The following ASIC2 variants were observed in gnomAD, a reference collection of about 807,000 sequenced individuals.
ASIC2 encodes the protein acid-sensing ion channel 2.
Under a neutral mutation model 57.3 loss-of-function variants are expected in ASIC2, and 25 were observed. The observed-to-expected ratio is 0.44, with a 90% CI of 0.32 to 0.61. The LOEUF is 0.61. ASIC2 is among the 20% of genes least tolerant of loss of function. The pLI, the probability that ASIC2 is intolerant of heterozygous loss-of-function variation, is 0.06. For missense variants in ASIC2, 641 were observed against 738.1 expected (o/e 0.87, Z 1.52); for synonymous variants, 319 against 307.5 (o/e 1.04, Z -0.39).
At chr17:33,477,881 G>A (rs919643116) in intron 1 of ASIC2, among the ~76,000 whole-genome samples, 3 of 152,238 alleles carry the variant, frequency 2.0e-5, no homozygotes, top group African/African-American at 7.2e-5. Flanking sequence ...GCTGGAGGCA[G>A]CTCAGGGCAT....
chr17:33,891,705 C>T (rs1457378593), intron 1 of ASIC2, among the ~76,000 whole-genome samples: 2 of 152,190 alleles, frequency 1.3e-5, no homozygotes, highest in Non-Finnish European at 2.9e-5. Context: ...GATGTTAAGG[C>T]ATATGATGTG....
intron 1 of ASIC2, among the ~76,000 whole-genome samples, chr17:33,275,577 G>C (rs1392594327): frequency 6.6e-6 from 1 of 152,190 alleles, no homozygotes; most frequent in Admixed American, 6.5e-5. Flanking sequence ...CTAGGTTTGT[G>C]ACCTTGAGCA....
At position 33,722,622 on chromosome 17, in the gene ASIC2, T is replaced by A. The variant is rs531885949; in HGVS notation, c.555+433356A>T. Among the ~76,000 whole-genome samples the A allele has an allele frequency of 2.1e-5, 3 of 140,214 alleles. No homozygotes were observed. In the South Asian group the frequency reaches 6.7e-4, roughly 31 times the overall value. 92.0% of individuals were successfully genotyped at this position (140,214 alleles called of 152,430 possible). On this transcript the variant is annotated intron_variant, in intron 1 of 9. Coordinates refer to the ASIC2 transcript ENST00000359872. ...TACAAAAAAGGAAAAAAAAAAAAAA[T>A]TAGCCAGGCCTGGTGGCACATACAT...
chr17:33,493,698 G>A (rs1351854217), intron 1 of ASIC2, among the ~76,000 whole-genome samples: 1 of 152,074 alleles, frequency 6.6e-6, no homozygotes, highest in African/African-American at 2.4e-5. Context: ...GAATCGGTCT[G>A]CCCTTGCCTT....
chr17:33,729,968 A>G (rs1469132076), intron 1 of ASIC2, among the ~76,000 whole-genome samples: 1 of 152,214 alleles, frequency 6.6e-6, no homozygotes, highest in Non-Finnish European at 1.5e-5. Flanking sequence ...AGAGTCCATG[A>G]TCTTCCCACA....
At chr17:33,388,489 G>C (rs986959908) in intron 1 of ASIC2, among the ~76,000 whole-genome samples, 3 of 152,190 alleles carry the variant, frequency 2.0e-5, no homozygotes, top group Admixed American at 2.0e-4. Flanking sequence ...GGAAGTTCCA[G>C]CCATCCCAGA....
At position 33,069,998 on chromosome 17, in the gene ASIC2, T is replaced by C. The variant is rs144552893; in HGVS notation, c.987+18865A>G. ...AAAATTGGACATTTTTGTGATTTCA[T>C]TTATACCCTTTGTTGGATTATAAGC... On this transcript the variant is annotated intron_variant, in intron 3 of 9. Transcript: ENST00000225823. Among the ~76,000 whole-genome samples, 13 of 152,318 alleles carry C rather than the reference T, an allele frequency of 8.5e-5. No homozygotes were observed. The East Asian group carries it at 2.1e-3, about 25-fold the overall frequency.
At chr17:33,328,740 A>T (rs1907181718) in intron 1 of ASIC2, among the ~76,000 whole-genome samples, 1 of 152,220 alleles carries the variant, frequency 6.6e-6, no homozygotes, top group African/African-American at 2.4e-5. Context: ...GCTAAAAAAT[A>T]AAACCCTCGT....
chr17:34,000,594 T>C (rs1467420687), intron 1 of ASIC2, among the ~76,000 whole-genome samples: 1 of 152,176 alleles, frequency 6.6e-6, no homozygotes, highest in Non-Finnish European at 1.5e-5. Flanking sequence ...TTCTTTGGGC[T>C]TCATAGGTAT....
At chr17:33,755,001 G>A (rs974120917) in intron 1 of ASIC2, among the ~76,000 whole-genome samples, 2 of 135,654 alleles carry the variant, frequency 1.5e-5, no homozygotes, top group Non-Finnish European at 1.7e-5. Context: ...TATAGACAGT[G>A]AGAATGTTGC....
rs1357864504 is a variant in ASIC2, at chr17:34,038,081, A to T, written c.555+117897T>A. The T allele has an allele frequency of 3.1e-5, 50 of 1,613,226 alleles. No individual in the cohort carries two copies. In the South Asian group the frequency reaches 5.1e-4, roughly 16 times the overall value. Reference sequence around the variant, plus strand: ...CACTGAATTGTAGCTATCATCATCCATGATCTTCGAAAGACCAAAATCTGT... The same window carrying T: ...CACTGAATTGTAGCTATCATCATCCTTGATCTTCGAAAGACCAAAATCTGT... On this transcript the variant is annotated intron_variant, in intron 1 of 9. Transcript: ENST00000359872.
chr17:33,098,380 C>A (rs977695903), intron 2 of ASIC2, among the ~76,000 whole-genome samples: 4 of 152,148 alleles, frequency 2.6e-5, no homozygotes, highest in African/African-American at 7.2e-5. Context: ...CACTGTAGGG[C>A]AGCATCTCTA....
At chr17:33,272,145 TA>T (rs1904519050) in intron 1 of ASIC2, among the ~76,000 whole-genome samples, 1 of 152,260 alleles carries the variant, frequency 6.6e-6, no homozygotes, top group Non-Finnish European at 1.5e-5. Flanking sequence ...GCTTCCTGAC[TA>T]CATGAGCTAA....
chr17:33,628,937 T>C (rs1275582355), intron 1 of ASIC2, among the ~76,000 whole-genome samples: 1 of 152,196 alleles, frequency 6.6e-6, no homozygotes, highest in African/African-American at 2.4e-5. Flanking sequence ...CTGTTGCACG[T>C]GGGAGCCCTC....
At chr17:33,954,627 C>T (rs1904677434) in intron 1 of ASIC2, among the ~76,000 whole-genome samples, 1 of 152,180 alleles carries the variant, frequency 6.6e-6, no homozygotes, top group Admixed American at 6.5e-5. Context: ...AGAGCTTCAC[C>T]AGTGCTGACT....
chr17:33,106,763 C>A (rs939733738), intron 2 of ASIC2, among the ~76,000 whole-genome samples: 2 of 151,738 alleles, frequency 1.3e-5, no homozygotes, highest in Non-Finnish European at 2.9e-5. Context: ...TTTTTTTTTC[C>A]CCTAAACAGG....
chr17:34,039,532 T>A, intron 1 of ASIC2: 1 of 1,613,920 alleles, frequency 6.2e-7, no homozygotes, highest in Non-Finnish European at 8.5e-7. Flanking sequence ...GGATAAGGAA[T>A]GTTGCAGTGA....
At chr17:34,118,942 T>A (rs1024539609) in intron 1 of ASIC2, 1 of 152,272 alleles carries the variant, frequency 6.6e-6, no homozygotes, top group Non-Finnish European at 1.5e-5. Flanking sequence ...TCTTTCATGA[T>A]CTTTCATTGT....
chr17:33,265,301 T>C (rs932087627), intron 1 of ASIC2, among the ~76,000 whole-genome samples: 1 of 152,200 alleles, frequency 6.6e-6, no homozygotes, highest in Non-Finnish European at 1.5e-5. Flanking sequence ...ATGTGGTACA[T>C]ATACACCATG....
Sources: allele counts gnomAD v4.1 joint callset (sites outside exome capture counted in the v4.1 genomes callset), GRCh38; gene constraint gnomAD v4.1.1; transcripts MANE v1.5; gene names NCBI Gene and HGNC (gene_info 2026-07-23, HGNC 2026-07-21).